The following SHROOM3 variants were observed in gnomAD, a reference collection of about 807,000 sequenced individuals.
The protein encoded by SHROOM3 is shroom family member 3.
In SHROOM3, 47 loss-of-function variants were observed where a neutral mutation model predicts 138.6. That is an observed-to-expected ratio of 0.34 (90% CI 0.27 to 0.43). The LOEUF is 0.43. Among genes scored for constraint, SHROOM3 ranks in the 20% least tolerant of loss-of-function variants. The pLI is 1.00. For synonymous variants in SHROOM3, 1,062 were observed against 1,063.3 expected, an observed-to-expected ratio of 1.00 and a Z score of 0.02; for missense variants, 2,491 against 2,596.5, an observed-to-expected ratio of 0.96 and a Z score of 0.88.
At chr4:76,694,302 A>G (rs1420861492) in intron 2 of SHROOM3, among the ~76,000 whole-genome samples, 3 of 152,206 alleles carry the variant, frequency 2.0e-5, no homozygotes, top group Non-Finnish European at 4.4e-5. Flanking sequence ...GTGAATGTGT[A>G]CACATTTCTT....
chr4:76,687,014 A>G (rs1399418473), intron 2 of SHROOM3, among the ~76,000 whole-genome samples: 2 of 152,170 alleles, frequency 1.3e-5, no homozygotes, highest in Non-Finnish European at 2.9e-5. Context: ...TTTCCTTCCC[A>G]CAACACACTC....
At chr4:76,734,172 CT>C (rs1720963038) in intron 4 of SHROOM3, among the ~76,000 whole-genome samples, 2 of 152,142 alleles carry the variant, frequency 1.3e-5, no homozygotes, top group South Asian at 4.1e-4. Context: ...AAAAAGCCCC[CT>C]GCACCACAAT....
chr4:76,481,956 C>T (rs1313970469), intron 1 of SHROOM3, among the ~76,000 whole-genome samples: 2 of 152,146 alleles, frequency 1.3e-5, no homozygotes, highest in South Asian at 2.1e-4. Context: ...ATTCAACACC[C>T]CTTCATGCTA....
rs1429298697 is a variant in SHROOM3, at chr4:76,693,366, G to GTTTTTTTTTTTTTTTTTT, written c.324-16787_324-16786insTTTTTTTTTTTTTTTTTT. Among the ~76,000 whole-genome samples, 13 of 60,094 alleles carry GTTTTTTTTTTTTTTTTTT rather than the reference G, an allele frequency of 2.2e-4. 3 individuals carry two copies. The highest frequency in any genetic ancestry group is 9.2e-4 in the African/African-American group (13 of 14,064). The allele number at this position is 60,094 out of a possible 152,430, so 39.4% of individuals were successfully genotyped here. A position where few individuals can be genotyped will look rare whatever the true frequency, so the allele number is the denominator to read the frequency against. On this transcript the variant is annotated intron_variant, in intron 2 of 10. Transcript: ENST00000296043. ...ACTATGCATACCTTCATTTTGATAA[G>GTTTTTTTTTTTTTTTTTT]TTTGTTTTTTTTTTTTTTTTTTTTT... is the stretch of plus-strand genomic sequence containing the variant.
chr4:76,544,698 G>A (rs1431411737), intron 1 of SHROOM3, among the ~76,000 whole-genome samples: 1 of 151,976 alleles, frequency 6.6e-6, no homozygotes, highest in African/African-American at 2.4e-5. Flanking sequence ...CACCTGGCTG[G>A]TTTATTCTTT....
intron 4 of SHROOM3, 144 bp downstream of exon 4, chr4:76,731,079 C>G: frequency 8.9e-7 from 1 of 1,121,320 alleles, no homozygotes. Context: ...TTTTCTCATC[C>G]TCTTATAGTG....
chr4:76,673,287 G>A (rs1481905512), intron 2 of SHROOM3, among the ~76,000 whole-genome samples: 3 of 152,160 alleles, frequency 2.0e-5, no homozygotes, highest in Non-Finnish European at 4.4e-5. Flanking sequence ...CACACTGTGT[G>A]ATTAGGGACT....
intron 1 of SHROOM3, among the ~76,000 whole-genome samples, chr4:76,528,337 CTTCTTCTTTTTTTTTT>C (rs988363808): frequency 6.6e-5 from 6 of 91,480 alleles, no homozygotes; most frequent in Admixed American, 2.4e-4. Flanking sequence ...TCTTCTTCTT[CTTCTTCTTTTTTTTTT>C]TTTTTTGAGA....
rs1722763312 is a variant in SHROOM3, at chr4:76,782,672, T to C, written c.*3495T>C. 1 of 152,208 alleles carries C rather than the reference T, an allele frequency of 6.6e-6. No individual in the cohort carries two copies. The allele number at this position is 152,208 out of a possible 1,614,324, so 9.4% of individuals were successfully genotyped here. A position where few individuals can be genotyped will look rare whatever the true frequency, so the allele number is the denominator to read the frequency against. On this transcript the variant is annotated 3_prime_UTR_variant, in exon 11 of 11. Coordinates refer to ENST00000296043, the MANE Select transcript of SHROOM3 (RefSeq NM_020859.4). ...GTTAGGTTGGAGTTATTATTTTCCT[T>C]TTAGAACAACATGAATTTTATTCAC...
chr4:76,755,632 C>T (rs569970544), intron 7 of SHROOM3, among the ~76,000 whole-genome samples: 214 of 152,280 alleles, frequency 1.4e-3, no homozygotes, highest in Middle Eastern at 6.8e-3. Flanking sequence ...AACAGCTTTA[C>T]CTACCTCATC....
chr4:76,672,665 TG>T (rs1718919564), intron 2 of SHROOM3, among the ~76,000 whole-genome samples: 1 of 152,168 alleles, frequency 6.6e-6, no homozygotes, highest in African/African-American at 2.4e-5. Context: ...CTCCGCCTCC[TG>T]GGTTCACACC....
At position 76,740,711 on chromosome 4, in the gene SHROOM3, G is replaced by A. The variant is rs1217661637; in HGVS notation, c.2538G>A (p.Gln846=). ...CTGAACCCCTAGGCAACGGGGAGCA[G>A]CACTTCAAAAACGGGGAGCTGAAGT... The part of the protein sequence containing the change: ...ESAEPLGNGE[Q]HFKNGELKLE... The change falls in exon 5 of 11, where the codon CAG becomes CAA. Residue 846 remains glutamine, a synonymous_variant. Coordinates refer to ENST00000296043, the MANE Select transcript of SHROOM3 (RefSeq NM_020859.4). The surrounding 1 kb of genome is among the most constrained non-coding windows in gnomAD (Gnocchi z 4.0). 5 of 1,613,734 alleles carry A rather than the reference G, an allele frequency of 3.1e-6. No individual in the cohort carries two copies. Among genetic ancestry groups the A allele is most frequent in the Non-Finnish European group, 4.2e-6 (5 of 1,180,006 alleles).
intron 1 of SHROOM3, among the ~76,000 whole-genome samples, chr4:76,447,599 A>G (rs1183162354): frequency 6.6e-6 from 1 of 152,198 alleles, no homozygotes; most frequent in African/African-American, 2.4e-5. Context: ...AAGGCAGAAA[A>G]TAGACTCTTT....
chr4:76,525,900 C>A (rs1327579014), intron 1 of SHROOM3, among the ~76,000 whole-genome samples: 1 of 152,170 alleles, frequency 6.6e-6, no homozygotes. Context: ...TCTTTCCCAG[C>A]CATTACCTGA....
intron 2 of SHROOM3, among the ~76,000 whole-genome samples, chr4:76,615,302 C>G (rs1309297167): frequency 6.6e-6 from 1 of 152,146 alleles, no homozygotes; most frequent in East Asian, 1.9e-4. Context: ...CTTAATACAC[C>G]GTGTTACCTG....
At chr4:76,772,197 G>A (rs1489952693) in intron 10 of SHROOM3, among the ~76,000 whole-genome samples, 2 of 148,606 alleles carry the variant, frequency 1.3e-5, no homozygotes, top group African/African-American at 5.0e-5. Flanking sequence ...TCTGGCTCCC[G>A]TATTCATGCC....
intron 8 of SHROOM3, chr4:76,757,186 C>T: frequency 4.0e-6 from 2 of 504,870 alleles, no homozygotes; most frequent in East Asian, 3.6e-5. Context: ...CGTTGTGTGT[C>T]AAACATTGTA....
At chr4:76,763,595 A>C (rs1217274516) in intron 9 of SHROOM3, among the ~76,000 whole-genome samples, 1 of 152,076 alleles carries the variant, frequency 6.6e-6, no homozygotes, top group East Asian at 1.9e-4. Flanking sequence ...CAAATTTAGA[A>C]AATAACAAAG....
intron 1 of SHROOM3, among the ~76,000 whole-genome samples, chr4:76,529,390 C>A (rs1732782338): frequency 6.6e-6 from 1 of 151,852 alleles, no homozygotes; most frequent in Non-Finnish European, 1.5e-5. Flanking sequence ...CATCTCGGCT[C>A]ACTGCAAGCT....
Sources: allele counts gnomAD v4.1 joint callset (sites outside exome capture counted in the v4.1 genomes callset), GRCh38; gene constraint gnomAD v4.1.1; non-coding constraint Gnocchi (gnomAD v3.1); transcripts MANE v1.5; gene names NCBI Gene and HGNC (gene_info 2026-07-23, HGNC 2026-07-21).